ATP2B2: variants seen among roughly 807,000 people sequenced by gnomAD.
ATP2B2 encodes the protein ATPase plasma membrane Ca2+ transporting 2.
In ATP2B2, 15 loss-of-function variants were observed where a neutral mutation model predicts 120.0. The observed-to-expected ratio is 0.12, with a 90% confidence interval of 0.08 to 0.19. The LOEUF (loss-of-function observed/expected upper bound fraction) is 0.19, where lower values mean the gene tolerates loss of function less well. Ranked by LOEUF, ATP2B2 falls within the 10% of genes least tolerant of loss-of-function variation. The probability of loss-of-function intolerance (pLI) is 1.00; values close to 1 mark genes in which losing one functional copy is unlikely to be tolerated. For synonymous variants in ATP2B2, 694 were observed against 700.3 expected, an observed-to-expected ratio of 0.99 and a Z score of 0.14; for missense variants, 1,045 against 1,719.8, an observed-to-expected ratio of 0.61 and a Z score of 6.94.
chr3:10,435,807 C>G (rs1163509359), intron 2 of ATP2B2, among the ~76,000 whole-genome samples: 2 of 151,844 alleles, frequency 1.3e-5, no homozygotes, highest in African/African-American at 2.4e-5. Context: ...AGCCCTGGAG[C>G]CTTTTTAAAA....
chr3:10,500,097 G>A (rs779761970), intron 1 of ATP2B2, among the ~76,000 whole-genome samples: 25 of 151,938 alleles, frequency 1.6e-4, no homozygotes, highest in Non-Finnish European at 3.5e-4. Context: ...ACCAGGCCCG[G>A]CTAACTTTTT....
At chr3:10,485,011 A>G (rs923313156) in intron 1 of ATP2B2, among the ~76,000 whole-genome samples, 18 of 152,156 alleles carry the variant, frequency 1.2e-4, no homozygotes, top group African/African-American at 4.3e-4. Context: ...AGCTGACCTG[A>G]CGCAGACCCC....
chr3:10,336,369 C>A (rs1280154440), intron 22 of ATP2B2: 5 of 1,460,124 alleles, frequency 3.4e-6, no homozygotes, highest in Non-Finnish European at 4.6e-6. Context: ...ACTGACAGGG[C>A]AACGTCACAA....
intron 1 of ATP2B2, among the ~76,000 whole-genome samples, chr3:10,623,291 C>A (rs1028449736): frequency 6.6e-6 from 1 of 152,130 alleles, no homozygotes; most frequent in Non-Finnish European, 1.5e-5. Flanking sequence ...ACTCCTGGCT[C>A]AAGCAATACT....
At chr3:10,644,146 T>A (rs2070250657) in intron 1 of ATP2B2, among the ~76,000 whole-genome samples, 1 of 152,038 alleles carries the variant, frequency 6.6e-6, no homozygotes, top group South Asian at 2.1e-4. Context: ...GAAGAATATA[T>A]ACAAATAACC....
intron 22 of ATP2B2, chr3:10,330,146 G>T (rs1330442657): frequency 6.5e-6 from 1 of 154,052 alleles, no homozygotes; most frequent in Non-Finnish European, 1.5e-5. Context: ...TCACAAAACA[G>T]CAAGTTCTTT....
chr3:10,644,984 G>T (rs1181070351), intron 1 of ATP2B2, among the ~76,000 whole-genome samples: 2 of 152,160 alleles, frequency 1.3e-5, no homozygotes, highest in Non-Finnish European at 2.9e-5. Context: ...TTATATAAGA[G>T]AATTCTCTCT....
chr3:10,637,468 C>T (rs1455178974), intron 1 of ATP2B2, among the ~76,000 whole-genome samples: 1 of 152,160 alleles, frequency 6.6e-6, no homozygotes. Flanking sequence ...CACAAACCAA[C>T]CTTCTAGAGA....
At chr3:10,501,599 G>A (rs926235391) in intron 1 of ATP2B2, among the ~76,000 whole-genome samples, 6 of 152,152 alleles carry the variant, frequency 3.9e-5, no homozygotes, top group Non-Finnish European at 8.8e-5. Flanking sequence ...GCTCCCAGCT[G>A]TCTGCTGAGA....
intron 1 of ATP2B2, among the ~76,000 whole-genome samples, chr3:10,496,442 G>A (rs537185205): frequency 6.6e-6 from 1 of 152,216 alleles, no homozygotes; most frequent in East Asian, 1.9e-4. Flanking sequence ...TCTGATATGG[G>A]GTATGAAAGG....
Position 10,402,290 on chromosome 3 carries a change from G to C in ATP2B2, c.456C>G (p.Ile152Met). The C allele has an allele frequency of 6.2e-7, 1 of 1,613,924 alleles. No individual in the cohort carries two copies. Reference sequence around the variant, plus strand: ...CTGAGAGGAGAATGGCGGCCCCCTCGATCCAACCTGCCTCTGCCTCTCCTT... The same window carrying C: ...CTGAGAGGAGAATGGCGGCCCCCTCCATCCAACCTGCCTCTGCCTCTCCTT... ...EDEGEAEAGW[I>M]EGAAILLSVI... The change falls in exon 4 of 23, where the codon ATC becomes ATG. Residue 152 changes from isoleucine to methionine, a missense_variant. Transcript: ENST00000360273. This position sits in a 1 kb window ranked among gnomAD's most constrained non-coding sequence, Gnocchi z 4.9.
intron 14 of ATP2B2, among the ~76,000 whole-genome samples, chr3:10,356,603 G>A (rs948954808): frequency 2.0e-5 from 3 of 152,206 alleles, no homozygotes; most frequent in African/African-American, 4.8e-5. Flanking sequence ...TGTTTCCAAG[G>A]CAGGGTGGTG....
intron 2 of ATP2B2, among the ~76,000 whole-genome samples, chr3:10,552,089 G>T (rs1256774145): frequency 6.6e-6 from 1 of 152,206 alleles, no homozygotes; most frequent in African/African-American, 2.4e-5. Flanking sequence ...CCCAGTTTTG[G>T]CTTTCTAGAG....
chr3:10,688,176 C>T (rs1241137780), intron 1 of ATP2B2, among the ~76,000 whole-genome samples: 1 of 152,134 alleles, frequency 6.6e-6, no homozygotes, highest in African/African-American at 2.4e-5. Flanking sequence ...AGAGGCCAGT[C>T]CACACCTGTC....
intron 2 of ATP2B2, among the ~76,000 whole-genome samples, chr3:10,580,890 T>C (rs984592979): frequency 1.2e-4 from 18 of 152,370 alleles, no homozygotes; most frequent in Admixed American, 2.0e-4. Context: ...TCACATATTA[T>C]ATAGCAAAGT....
chr3:10,674,007 A>G (rs2071184988), intron 1 of ATP2B2, among the ~76,000 whole-genome samples: 1 of 151,694 alleles, frequency 6.6e-6, no homozygotes, highest in Non-Finnish European at 1.5e-5. Context: ...AAAAAAAAAG[A>G]AGCCAATATT....
At chr3:10,572,498 T>G (rs529084336) in intron 2 of ATP2B2, among the ~76,000 whole-genome samples, 1 of 152,338 alleles carries the variant, frequency 6.6e-6, no homozygotes, top group East Asian at 1.9e-4. Context: ...ATGGCTAAAA[T>G]GGTAAATTTT....
At chr3:10,461,923 C>T (rs1269836082) in intron 1 of ATP2B2, among the ~76,000 whole-genome samples, 1 of 152,138 alleles carries the variant, frequency 6.6e-6, no homozygotes, top group Non-Finnish European at 1.5e-5. Context: ...CCTTTTCAGT[C>T]TTCACGTCCC....
chr3:10,350,514 T>C lies in ATP2B2; in HGVS notation c.2200A>G (p.Asn734Asp). 6.2e-7 allele frequency: 1 copy of C among 1,614,176 alleles called. No homozygotes were observed. The highest frequency in any genetic ancestry group is 8.5e-7 in the Non-Finnish European group (1 of 1,180,032). Residue 734 changes from asparagine (N) to aspartate (D), a missense_variant, in exon 15 of 23, where the codon AAT (asparagine) becomes GAT (aspartate). Asn to Asp is a conservative substitution (Grantham distance 23, BLOSUM62 1). Coordinates refer to ENST00000360273, the MANE Select transcript of ATP2B2 (RefSeq NM_001001331.4). ...GCGATGGCCCGAGCCGTGTTGATAT[T>C]GTCGCCAGTGACCATGCGGACCGTG... Reference protein sequence around the residue: ...GITVRMVTGDNINTARAIAIK... With the variant: ...GITVRMVTGDDINTARAIAIK...
Sources: allele counts gnomAD v4.1 joint callset (sites outside exome capture counted in the v4.1 genomes callset), GRCh38; gene constraint gnomAD v4.1.1; non-coding constraint Gnocchi (gnomAD v3.1); transcripts MANE v1.5; gene names NCBI Gene and HGNC (gene_info 2026-07-23, HGNC 2026-07-21).